The following B3GALT1 variants were observed in gnomAD, a reference collection of about 807,000 sequenced individuals.
B3GALT1 encodes the protein beta-1,3-galactosyltransferase 1.
In B3GALT1, 10 loss-of-function variants were observed where a neutral mutation model predicts 23.2. The observed-to-expected ratio is 0.43, with a 90% CI of 0.27 to 0.73. The LOEUF (loss-of-function observed/expected upper bound fraction) is 0.73, where lower values mean the gene tolerates loss of function less well. Among genes scored for constraint, B3GALT1 ranks in the 30% least tolerant of loss-of-function variants. The probability of loss-of-function intolerance (pLI) is 0.21; values close to 1 mark genes in which losing one functional copy is unlikely to be tolerated. For missense variants in B3GALT1, 299 were observed against 405.4 expected (o/e 0.74, Z 2.25); for synonymous variants, 156 against 141.5 (o/e 1.10, Z -0.73).
intron 2 of B3GALT1, among the ~76,000 whole-genome samples, chr2:167,645,674 T>A (rs1348583476): frequency 6.9e-6 from 1 of 145,032 alleles, no homozygotes; most frequent in Non-Finnish European, 1.5e-5. Flanking sequence ...TTCAAGCAAT[T>A]CTCCTGCCTC....
chr2:167,451,189 T>C (rs182904981), intron 1 of B3GALT1, among the ~76,000 whole-genome samples: 59 of 152,280 alleles, frequency 3.9e-4, no homozygotes, highest in African/African-American at 1.3e-3. Flanking sequence ...GAATTCTTTT[T>C]CAAGTAAATT....
At chr2:167,642,852 CTAATA>C (rs1439317344) in intron 2 of B3GALT1, among the ~76,000 whole-genome samples, 2 of 151,970 alleles carry the variant, frequency 1.3e-5, no homozygotes, top group East Asian at 1.9e-4. Context: ...AAAACATTGG[CTAATA>C]TAATATTAGG....
chr2:167,492,164 ATC>A (rs1699719647), intron 2 of B3GALT1, among the ~76,000 whole-genome samples: 1 of 152,098 alleles, frequency 6.6e-6, no homozygotes, highest in Admixed American at 6.5e-5. Context: ...AAACCTGGCA[ATC>A]TCTGATCTTT....
intron 3 of B3GALT1, among the ~76,000 whole-genome samples, chr2:167,666,838 G>A (rs1300238236): frequency 2.6e-5 from 4 of 152,092 alleles, no homozygotes; most frequent in Non-Finnish European, 5.9e-5. Context: ...TTGAGCTTAT[G>A]TGTGTCTCTG....
rs534205972 is a variant in B3GALT1, at chr2:167,775,026, G to A, written c.-351-43646G>A. 8.5e-5 allele frequency among the ~76,000 whole-genome samples: 13 copies of A among 152,246 alleles called. No individual in the cohort carries two copies. In the South Asian group the frequency reaches 2.7e-3, roughly 32 times the overall value. On this transcript the variant is annotated intron_variant, in intron 3 of 4. Coordinates refer to ENST00000392690, the MANE Select transcript of B3GALT1 (RefSeq NM_020981.4). ...TCACTCCCATGTGTAACTTGTAGCA[G>A]TACATTTAACCCCTTGGAAAGTCAT...
intron 3 of B3GALT1, among the ~76,000 whole-genome samples, chr2:167,771,910 A>ATACGC (rs1235794464): frequency 6.6e-6 from 1 of 152,202 alleles, no homozygotes; most frequent in African/African-American, 2.4e-5. Context: ...CAGGAAGCAG[A>ATACGC]TACGCTAACC....
intron 3 of B3GALT1, among the ~76,000 whole-genome samples, chr2:167,795,938 C>G (rs11892152): frequency 0.1 from 15,337 of 152,176 alleles, 1,163 homozygotes; most frequent in African/African-American, 0.2. Context: ...ATATCATAAT[C>G]ATCTGGTTTC....
At chr2:167,465,740 GT>G (rs34506797) in intron 1 of B3GALT1, among the ~76,000 whole-genome samples, 9,103 of 152,162 alleles carry the variant, frequency 0.06, 400 homozygotes, top group Middle Eastern at 0.18. Context: ...GCAAATATAC[GT>G]TATTTTACTT....
At chr2:167,405,810 T>C (rs569844639) in intron 1 of B3GALT1, among the ~76,000 whole-genome samples, 1 of 152,208 alleles carries the variant, frequency 6.6e-6, no homozygotes, top group South Asian at 2.1e-4. Flanking sequence ...TAGAGAATCA[T>C]GAAATAAACA....
At chr2:167,537,675 C>G (rs1164675401) in intron 2 of B3GALT1, among the ~76,000 whole-genome samples, 1 of 152,102 alleles carries the variant, frequency 6.6e-6, no homozygotes, top group African/African-American at 2.4e-5. Context: ...CTCAACTGTA[C>G]CTCAGAAATT....
intron 1 of B3GALT1, among the ~76,000 whole-genome samples, chr2:167,325,364 A>G (rs557895492): frequency 1.3e-5 from 2 of 152,046 alleles, no homozygotes; most frequent in African/African-American, 4.8e-5. Flanking sequence ...GGCCTCAGGG[A>G]GCTTTTACTT....
chr2:167,419,284 T>G (rs1349828193), intron 1 of B3GALT1, among the ~76,000 whole-genome samples: 1 of 152,224 alleles, frequency 6.6e-6, no homozygotes, highest in Non-Finnish European at 1.5e-5. Context: ...AAGCATAGAT[T>G]AGCTTACCAT....
At chr2:167,560,361 A>G (rs927375194) in intron 2 of B3GALT1, among the ~76,000 whole-genome samples, 6 of 152,176 alleles carry the variant, frequency 3.9e-5, no homozygotes, top group African/African-American at 7.2e-5. Flanking sequence ...ATGCCAAAAT[A>G]TAAAGACCAT....
intron 3 of B3GALT1, among the ~76,000 whole-genome samples, chr2:167,743,790 A>G (rs1305524984): frequency 6.6e-6 from 1 of 152,180 alleles, no homozygotes; most frequent in East Asian, 1.9e-4. Context: ...TGTGTTGACC[A>G]TCTATTTTAA....
intron 1 of B3GALT1, among the ~76,000 whole-genome samples, chr2:167,480,345 C>G (rs1220377698): frequency 1.3e-5 from 2 of 152,280 alleles, no homozygotes; most frequent in East Asian, 3.9e-4. Context: ...CTAGCCAGCC[C>G]CACACCCAGG....
intron 3 of B3GALT1, among the ~76,000 whole-genome samples, chr2:167,661,839 A>G (rs1686065426): frequency 6.6e-6 from 1 of 152,164 alleles, no homozygotes; most frequent in Non-Finnish European, 1.5e-5. Flanking sequence ...GCAGTAAAAC[A>G]GATGCTTTCA....
At chr2:167,502,760 C>G (rs1699865028) in intron 2 of B3GALT1, among the ~76,000 whole-genome samples, 1 of 152,190 alleles carries the variant, frequency 6.6e-6, no homozygotes, top group African/African-American at 2.4e-5. Context: ...TGACATGAGG[C>G]CGGGCACTGT....
intron 1 of B3GALT1, among the ~76,000 whole-genome samples, chr2:167,437,330 T>C (rs1698806030): frequency 6.6e-6 from 1 of 152,232 alleles, no homozygotes. Flanking sequence ...CAAAGGTATA[T>C]GCACACTAAT....
At chr2:167,418,414 G>GA (rs200328760) in intron 1 of B3GALT1, among the ~76,000 whole-genome samples, 211 of 140,016 alleles carry the variant, frequency 1.5e-3, no homozygotes, top group Middle Eastern at 3.6e-3. Context: ...AAAGGATGAT[G>GA]AAAAAAAAAA....
Sources: allele counts gnomAD v4.1 joint callset (sites outside exome capture counted in the v4.1 genomes callset), GRCh38; gene constraint gnomAD v4.1.1; transcripts MANE v1.5; gene names NCBI Gene and HGNC (gene_info 2026-07-23, HGNC 2026-07-21).